The following METTL9 variants were observed in gnomAD, a reference collection of about 807,000 sequenced individuals.
METTL9 encodes the protein methyltransferase 9, His-X-His N1(pi)-histidine.
Under a neutral mutation model 36.0 loss-of-function variants are expected in METTL9, and 10 were observed. The ratio of observed to expected loss-of-function variants is 0.28; its 90% confidence interval spans 0.17 to 0.47. The LOEUF is 0.47. METTL9 is among the 20% of genes least tolerant of loss of function. METTL9 has a pLI of 0.99. For synonymous variants in METTL9, 175 were observed against 149.7 expected, an observed-to-expected ratio of 1.17 and a Z score of -1.23; for missense variants, 246 against 383.5, an observed-to-expected ratio of 0.64 and a Z score of 3.00.
rs1966718738 is a variant in METTL9, at chr16:21,656,702, C to T, written c.*1270C>T. ...TCATCCAGGTGTTTCATTAAGTATT[C>T]TCATTTATATGCTCATAGAAGTCAT... On this transcript the variant is annotated 3_prime_UTR_variant, in exon 5 of 5. Transcript: ENST00000358154. The T allele has an allele frequency of 6.6e-6, 1 of 152,114 alleles. No individual in the cohort carries two copies. Among genetic ancestry groups the T allele is most frequent in the Non-Finnish European group, 1.5e-5 (1 of 68,028 alleles). The allele number at this position is 152,114 out of a possible 1,614,324, so 9.4% of individuals were successfully genotyped here.
intron 4 of METTL9, chr16:21,626,800 C>T (rs894689287): frequency 3.9e-6 from 1 of 257,908 alleles, no homozygotes; most frequent in African/African-American, 2.3e-5. Context: ...TTGGAAGGTC[C>T]TGGGTTCCTG....
At chr16:21,598,415 C>G (rs1965003722), upstream of METTL9, among the ~76,000 whole-genome samples, 1 of 151,222 alleles carries the variant, frequency 6.6e-6, no homozygotes, top group Non-Finnish European at 1.5e-5. Context: ...CTGTGGCTCA[C>G]CACCCCACTG....
At chr16:21,647,237 ACT>A (rs1303119536) in intron 4 of METTL9, 2 of 1,613,826 alleles carry the variant, frequency 1.2e-6, no homozygotes, top group African/African-American at 2.7e-5. Context: ...ATTTGAAGTC[ACT>A]CTGTTTACAG....
chr16:21,612,983 T>G (rs1441885229), intron 2 of METTL9, 148 bp downstream of exon 2: 2 of 670,372 alleles, frequency 3.0e-6, no homozygotes, highest in African/African-American at 3.7e-5. Context: ...GGTCCAGCGT[T>G]CTATCTTTCT....
chr16:21,628,589 GCT>G (rs1965867790), intron 4 of METTL9, among the ~76,000 whole-genome samples: 1 of 152,086 alleles, frequency 6.6e-6, no homozygotes, highest in African/African-American at 2.4e-5. Flanking sequence ...GACCTCCTGG[GCT>G]CAAGCTATTC....
chr16:21,650,080 C>G (rs1053635581), intron 4 of METTL9, among the ~76,000 whole-genome samples: 7 of 152,112 alleles, frequency 4.6e-5, no homozygotes, highest in Non-Finnish European at 8.8e-5. Context: ...CCCAGGAATT[C>G]CAGGCTGCAG....
chr16:21,655,167 T>C, intron 4 of METTL9, 60 bp from the exon 5 acceptor site: 2 of 1,502,902 alleles, frequency 1.3e-6, no homozygotes, highest in Non-Finnish European at 1.8e-6. Context: ...TCCTCCCTGC[T>C]TCCCTCTTTA....
chr16:21,625,139 C>T (rs763303308), intron 4 of METTL9, 24 bp downstream of exon 4: 2 of 1,610,716 alleles, frequency 1.2e-6, no homozygotes, highest in Non-Finnish European at 1.7e-6. Flanking sequence ...GTCAGGCTAG[C>T]TCTTACTGAG....
At chr16:21,617,242 C>G (rs1357697035) in intron 2 of METTL9, among the ~76,000 whole-genome samples, 1 of 150,304 alleles carries the variant, frequency 6.7e-6, no homozygotes, top group Non-Finnish European at 1.5e-5. Flanking sequence ...CATGGTGAAA[C>G]CCCTTCTCTA....
chr16:21,607,837 A>G (rs948100228), intron 1 of METTL9, among the ~76,000 whole-genome samples: 5 of 152,168 alleles, frequency 3.3e-5, no homozygotes, highest in African/African-American at 1.2e-4. Context: ...TGTAGTCTTT[A>G]AGGAGCACAC....
chr16:21,653,227 A>G (rs1567350765), intron 4 of METTL9: 1 of 151,556 alleles, frequency 6.6e-6, no homozygotes, highest in Non-Finnish European at 1.5e-5. Flanking sequence ...AGCTGGGACT[A>G]CAGGCATGCA....
rs2141631307 is a variant in METTL9 at position 21,655,237 on chromosome 16, G to C, written c.762G>C (p.Lys254Asn). ...TCTTATTTGTATTAGTAGGTGGCAA[G>C]TGGGAGAAACCATCAGAAATTTTGG... ...FHPYVENVGG[K>N]WEKPSEILEI... Residue 254 changes from lysine (K) to asparagine (N), a missense_variant, in exon 5 of 5, where the codon AAG (lysine) becomes AAC (asparagine). Transcript: ENST00000358154. 2 of 1,613,900 alleles carry C rather than the reference G, an allele frequency of 1.2e-6. No individual in the cohort carries two copies.
intron 2 of METTL9, among the ~76,000 whole-genome samples, chr16:21,616,743 C>T (rs1244151027): frequency 2.6e-5 from 4 of 152,196 alleles, no homozygotes; most frequent in Non-Finnish European, 5.9e-5. Flanking sequence ...TCCCTCTTTT[C>T]TCTAGTGTCT....
At chr16:21,644,578 CA>C (rs1966373820) in intron 4 of METTL9, among the ~76,000 whole-genome samples, 1 of 152,180 alleles carries the variant, frequency 6.6e-6, no homozygotes, top group Admixed American at 6.5e-5. Context: ...GCCAGTTCAT[CA>C]GTTCTTTAAA....
chr16:21,655,503 C>A lies in METTL9; in HGVS notation c.*71C>A. ...GCCCTTGGAAGAGGGTCTGTGTTCA[C>A]AATTACGTGAAGGGAGGACCCTTGG... is the stretch of plus-strand genomic sequence containing the variant. On this transcript the variant is annotated 3_prime_UTR_variant, in exon 5 of 5. Transcript: ENST00000358154. The A allele has an allele frequency of 7.4e-7, 1 of 1,353,020 alleles. No homozygotes were observed. Among genetic ancestry groups the A allele is most frequent in the Non-Finnish European group, 1.0e-6 (1 of 974,992 alleles). The allele number at this position is 1,353,020 out of a possible 1,614,324, so 83.8% of individuals were successfully genotyped here. A position where few individuals can be genotyped will look rare whatever the true frequency, so the allele number is the denominator to read the frequency against.
At chr16:21,641,504 T>G in intron 4 of METTL9, 2 of 1,434,902 alleles carry the variant, frequency 1.4e-6, no homozygotes, top group Non-Finnish European at 1.9e-6. Context: ...AGTTGGATTT[T>G]CAGTGACTTC....
At chr16:21,600,029 A>C in intron 1 of METTL9, 131 bp downstream of exon 1, 1 of 834,640 alleles carries the variant, frequency 1.2e-6, no homozygotes. Flanking sequence ...GCCCCTTGGA[A>C]AGTTTTCCCC....
chr16:21,624,788 C>A, intron 3 of METTL9, 143 bp from the exon 4 acceptor site: 2 of 759,432 alleles, frequency 2.6e-6, no homozygotes, highest in Non-Finnish European at 2.1e-6. Flanking sequence ...TTGGCCATGT[C>A]ATTATTGCAA....
chr16:21,621,156 G>A (rs1045547186), intron 3 of METTL9, among the ~76,000 whole-genome samples: 15 of 151,542 alleles, frequency 9.9e-5, no homozygotes, highest in African/African-American at 1.5e-4. Context: ...GAGAGTGTGT[G>A]TGTGTGTGTG....
Sources: allele counts gnomAD v4.1 joint callset (sites outside exome capture counted in the v4.1 genomes callset), GRCh38; gene constraint gnomAD v4.1.1; transcripts MANE v1.5; gene names NCBI Gene and HGNC (gene_info 2026-07-23, HGNC 2026-07-21).